The following SLC17A1 variants were observed in gnomAD, a reference collection of about 807,000 sequenced individuals.
The protein encoded by SLC17A1 is solute carrier family 17 member 1.
SLC17A1 carries 51 observed loss-of-function variants against 53.5 expected under a neutral mutation model. The observed-to-expected ratio is 0.95, with a 90% CI of 0.76 to 1.20. The LOEUF is 1.20. Among genes scored for constraint, SLC17A1 ranks in the 50% most tolerant of loss-of-function variants. The pLI is 0.00. For missense variants in SLC17A1, 538 were observed against 568.2 expected (o/e 0.95, Z 0.54); for synonymous variants, 179 against 198.8 (o/e 0.90, Z 0.84).
At chr6:25,769,225 C>T in the SLC17A1 span, 2 of 1,552,224 alleles carry the variant, frequency 1.3e-6, no homozygotes, top group African/African-American at 1.4e-5. Flanking sequence ...CTTTCTTTGA[C>T]TCAAATAATT....
chr6:25,804,114 A>G (rs1763877228), intron 10 of SLC17A1, among the ~76,000 whole-genome samples: 1 of 152,168 alleles, frequency 6.6e-6, no homozygotes, highest in Non-Finnish European at 1.5e-5. Flanking sequence ...TAATGATTAT[A>G]TCTGACTTAT....
chr6:25,820,023 C>G, intron 3 of SLC17A1, 108 bp from the exon 4 acceptor site: 1 of 668,712 alleles, frequency 1.5e-6, no homozygotes, highest in Admixed American at 2.7e-5. Context: ...AAAGTAGCTC[C>G]CCTCTTACTA....
At chr6:25,779,384 C>T, downstream of SLC17A1, 1 of 618,802 alleles carries the variant, frequency 1.6e-6, no homozygotes, top group Non-Finnish European at 2.7e-6. Flanking sequence ...CTACTAAAAG[C>T]ATAGGTGTGT....
chr6:25,732,071 C>T, the SLC17A1 span: 1 of 1,204,740 alleles, frequency 8.3e-7, no homozygotes. Context: ...TGCGGCATCT[C>T]TTGCGCTTTT....
the SLC17A1 span, among the ~76,000 whole-genome samples, chr6:25,745,716 G>C: frequency 6.6e-6 from 1 of 152,184 alleles, no homozygotes; most frequent in Admixed American, 6.5e-5. Context: ...AATCATCAAA[G>C]TAACCAAAAC....
At chr6:25,773,619 T>C in the SLC17A1 span, 21 of 1,613,970 alleles carry the variant, frequency 1.3e-5, no homozygotes, top group Non-Finnish European at 1.8e-5. Flanking sequence ...TTTTATACCA[T>C]TATGGCGTAC....
At chr6:25,758,743 T>G in the SLC17A1 span, among the ~76,000 whole-genome samples, 9 of 8,030 alleles carry the variant, frequency 1.1e-3, no homozygotes, top group Admixed American at 0.032. Flanking sequence ...AAGAACCAGC[T>G]TTTTTGTTTC....
intron 12 of SLC17A1, among the ~76,000 whole-genome samples, chr6:25,784,019 T>TA (rs1354028352): frequency 1.3e-5 from 2 of 152,130 alleles, no homozygotes; most frequent in Non-Finnish European, 2.9e-5. Flanking sequence ...TCCAGGGGCC[T>TA]ATCTGGAGTA....
chr6:25,737,985 C>T, the SLC17A1 span, among the ~76,000 whole-genome samples: 1 of 151,980 alleles, frequency 6.6e-6, no homozygotes, highest in Non-Finnish European at 1.5e-5. Context: ...CTTGCTAGTA[C>T]AACAAGGCAA....
chr6:25,767,865 G>A, the SLC17A1 span, among the ~76,000 whole-genome samples: 1 of 151,972 alleles, frequency 6.6e-6, no homozygotes, highest in African/African-American at 2.4e-5. Flanking sequence ...TTTCTTTATT[G>A]AATCAAAACT....
At chr6:25,765,458 G>C in the SLC17A1 span, among the ~76,000 whole-genome samples, 2 of 152,242 alleles carry the variant, frequency 1.3e-5, no homozygotes, top group Non-Finnish European at 2.9e-5. Context: ...TAAACCAGCT[G>C]TTGTTAGCTT....
Position 25,814,351 on chromosome 6 carries a change from A to G in SLC17A1, c.617-1138T>C, listed in dbSNP as rs55758056. On this transcript the variant is annotated intron_variant, in intron 6 of 12. Transcript: ENST00000244527. ...TTTGTAGTGGACAAAAAAGAAAAAA[A>G]TTATTTTATTCAATCAACTTCCCAA... is the stretch of plus-strand genomic sequence containing the variant. Among the ~76,000 whole-genome samples, 951 of 152,322 alleles carry G rather than the reference A, an allele frequency of 6.2e-3. 8 individuals carry two copies. Among genetic ancestry groups the G allele is most frequent in the Middle Eastern group, 0.031 (9 of 292 alleles).
intron 3 of SLC17A1, among the ~76,000 whole-genome samples, chr6:25,824,669 A>G (rs1202265439): frequency 6.6e-6 from 1 of 151,870 alleles, no homozygotes; most frequent in Non-Finnish European, 1.5e-5. Context: ...AACCTATGGA[A>G]GCTATTAAAA....
At chr6:25,732,879 G>GAAACAAAAACAA in the SLC17A1 span, 29 of 216,374 alleles carry the variant, frequency 1.3e-4, no homozygotes, top group East Asian at 1.2e-3. Flanking sequence ...ATGTCTAGAA[G>GAAACAAAAACAA]AAACAAAAAC....
chr6:25,740,570 T>C, the SLC17A1 span, among the ~76,000 whole-genome samples: 1 of 152,192 alleles, frequency 6.6e-6, no homozygotes, highest in East Asian at 1.9e-4. Context: ...GAATGGACTA[T>C]ATGGAATGCA....
downstream of SLC17A1, among the ~76,000 whole-genome samples, chr6:25,778,884 T>G (rs1763155835): frequency 6.6e-6 from 1 of 152,120 alleles, no homozygotes; most frequent in Non-Finnish European, 1.5e-5. Context: ...GCCCAGTGCT[T>G]TGGACTCATG....
the SLC17A1 span, among the ~76,000 whole-genome samples, chr6:25,774,561 G>A: frequency 6.6e-6 from 1 of 152,190 alleles, no homozygotes; most frequent in Non-Finnish European, 1.5e-5. Context: ...TTTCAAAGAG[G>A]AAGAGGGCCA....
the SLC17A1 span, among the ~76,000 whole-genome samples, chr6:25,750,839 T>C: frequency 6.6e-6 from 1 of 152,084 alleles, no homozygotes; most frequent in Non-Finnish European, 1.5e-5. Flanking sequence ...GCAATGGGCC[T>C]AGTATTCTGC....
chr6:25,726,999 C>G, the SLC17A1 span: 1 of 1,614,158 alleles, frequency 6.2e-7, no homozygotes, highest in South Asian at 1.1e-5. Context: ...AGGCAAAAAG[C>G]GCAAGAGGAC....
Sources: allele counts gnomAD v4.1 joint callset (sites outside exome capture counted in the v4.1 genomes callset), GRCh38; gene constraint gnomAD v4.1.1; transcripts MANE v1.5; gene names NCBI Gene and HGNC (gene_info 2026-07-23, HGNC 2026-07-21).